The following WIPF3 variants were observed in gnomAD, a reference collection of about 807,000 sequenced individuals.
WIPF3 encodes WAS/WASL interacting protein family member 3.
WIPF3 carries 33 observed loss-of-function variants against 38.9 expected under a neutral mutation model. The observed-to-expected ratio is 0.85, with a 90% CI of 0.64 to 1.14. The LOEUF (loss-of-function observed/expected upper bound fraction) is 1.14, where lower values mean the gene tolerates loss of function less well. WIPF3 is among the 50% of genes most tolerant of loss of function. WIPF3 has a pLI of 0.00. For synonymous variants in WIPF3, 324 were observed against 269.3 expected, an observed-to-expected ratio of 1.20 and a Z score of -1.99; for missense variants, 711 against 652.5, an observed-to-expected ratio of 1.09 and a Z score of -0.98.
At position 29,823,706 on chromosome 7, in the gene WIPF3, C is replaced by T. The variant is rs983346836; in HGVS notation, c.-57-10962C>T. ...GGGGCCTGGTGGCAGGTGATTGGAT[C>T]GTGGGCGGTTTCTCATTATTGGTTT... On this transcript the variant is annotated intron_variant, in intron 1 of 8. Transcript: ENST00000242140. This position sits in a 1 kb window ranked among gnomAD's most constrained non-coding sequence, Gnocchi z 4.0. Among the ~76,000 whole-genome samples the T allele has an allele frequency of 1.3e-5, 2 of 152,136 alleles. No individual in the cohort carries two copies. Among genetic ancestry groups the T allele is most frequent in the Non-Finnish European group, 2.9e-5 (2 of 68,032 alleles).
chr7:29,883,946 G>A lies in WIPF3; in HGVS notation c.452G>A (p.Arg151Lys), dbSNP rs762104603. Residue 151 changes from arginine (R) to lysine (K), a missense_variant, in exon 5 of 9, where the codon AGG becomes AAG. By Grantham distance (26) the Arg-to-Lys change is conservative. Transcript: ENST00000242140. ...CCGCTTATCCCGCCTGCCTCTCCCA[G>A]GCTAGGCAATACCTCCGAGGCGCAT... ...SGPLIPPASP[R>K]LGNTSEAHGA... 3.2e-6 allele frequency: 5 copies of A among 1,576,780 alleles called. No individual in the cohort carries two copies. Among genetic ancestry groups the A allele is most frequent in the Non-Finnish European group, 4.3e-6 (5 of 1,161,382 alleles).
intron 2 of WIPF3, among the ~76,000 whole-genome samples, chr7:29,872,287 G>T (rs893599003): frequency 6.6e-6 from 1 of 152,162 alleles, no homozygotes; most frequent in African/African-American, 2.4e-5. Flanking sequence ...GGTTTTTTAA[G>T]ACAGCAAATT....
rs760451690 is a variant in WIPF3, at chr7:29,884,052, A to G, written c.558A>G (p.Leu186=). 3.9e-6 allele frequency: 3 copies of G among 775,942 alleles called. No individual in the cohort carries two copies. The South Asian group carries it at 1.1e-4, about 28-fold the overall frequency. 48.1% of individuals were successfully genotyped at this position (775,942 alleles called of 1,614,324 possible). ...PPTPPPPPPP[L]PPPLPSSSPI... ...CCCCACCCCCTCCGCCTCCACCCTT[A>G]CCCCCGCCCCTTCCCTCTTCCTCCC... is the stretch of plus-strand genomic sequence containing the variant. The change falls in exon 5 of 9, where the codon TTA becomes TTG. Residue 186 remains leucine, a synonymous_variant. Coordinates refer to ENST00000242140, the MANE Select transcript of WIPF3 (RefSeq NM_001080529.3).
At chr7:29,885,979 CATT>C (rs1208114863) in intron 5 of WIPF3, among the ~76,000 whole-genome samples, 1 of 152,054 alleles carries the variant, frequency 6.6e-6, no homozygotes, top group Non-Finnish European at 1.5e-5. Flanking sequence ...TTTTATTTAA[CATT>C]ATGTTAAAAA....
At chr7:29,894,926 T>TTG (rs1562789038) in intron 7 of WIPF3, among the ~76,000 whole-genome samples, 3 of 151,724 alleles carry the variant, frequency 2.0e-5, no homozygotes, top group Admixed American at 1.3e-4. Context: ...GTTGTTTTTT[T>TTG]TTGTTGTTGT....
Position 29,884,361 on chromosome 7 carries a change from T to TCCCCCCCCCCCCCCCCCCCCCCCCCCC in WIPF3, c.870_871insCCCCCCCCCCCCCCCCCCCCCCCCCCC (p.Pro290_Ala291insProProProProProProProProPro). ...GCCCTGCGCAAGATGCGCAGGAGCCTCCCGCCCCGCCGCCCCCGCTCCCCC... is the reference window on the plus strand; with the variant it reads ...GCCCTGCGCAAGATGCGCAGGAGCCTCCCCCCCCCCCCCCCCCCCCCCCCCCCCCCGCCCCGCCGCCCCCGCTCCCCC... On this transcript the variant is annotated inframe_insertion, in exon 5 of 9. Transcript: ENST00000242140. 2 of 1,317,928 alleles carry TCCCCCCCCCCCCCCCCCCCCCCCCCCC rather than the reference T, an allele frequency of 1.5e-6. No homozygotes were observed. The highest frequency in any genetic ancestry group is 9.8e-7 in the Non-Finnish European group (1 of 1,017,964). The allele number at this position is 1,317,928 out of a possible 1,614,324, so 81.6% of individuals were successfully genotyped here. A position where few individuals can be genotyped will look rare whatever the true frequency, so the allele number is the denominator to read the frequency against.
At chr7:29,853,762 A>T (rs1454028523) in intron 2 of WIPF3, among the ~76,000 whole-genome samples, 2 of 152,154 alleles carry the variant, frequency 1.3e-5, no homozygotes, top group African/African-American at 4.8e-5. Context: ...TACCTATCTC[A>T]TTATGGCTGA....
At chr7:29,901,410 T>A (rs908413488) in intron 7 of WIPF3, among the ~76,000 whole-genome samples, 1 of 119,484 alleles carries the variant, frequency 8.4e-6, no homozygotes, top group Non-Finnish European at 1.7e-5. Flanking sequence ...TTTTTTTTTT[T>A]ACAAGACAGA....
chr7:29,915,053 C>T lies in WIPF3; in HGVS notation c.*537C>T, dbSNP rs1429807970. ...CTCCAGGGAACGAGGTGCCATGTCT[C>T]GCTTCCATTTTGCAGTACAGGGAAT... is the stretch of plus-strand genomic sequence containing the variant. On this transcript the variant is annotated 3_prime_UTR_variant, in exon 9 of 9. Coordinates refer to ENST00000242140, the MANE Select transcript of WIPF3 (RefSeq NM_001080529.3). 1 of 148,794 alleles carries T rather than the reference C, an allele frequency of 6.7e-6. No homozygotes were observed. The highest frequency in any genetic ancestry group is 1.5e-5 in the Non-Finnish European group (1 of 67,544). The allele number at this position is 148,794 out of a possible 1,614,324, so 9.2% of individuals were successfully genotyped here. A position where few individuals can be genotyped will look rare whatever the true frequency, so the allele number is the denominator to read the frequency against.
chr7:29,871,059 CT>C (rs1785488007), intron 2 of WIPF3, among the ~76,000 whole-genome samples: 1 of 152,080 alleles, frequency 6.6e-6, no homozygotes, highest in South Asian at 2.1e-4. Flanking sequence ...AAAAATGAGA[CT>C]TGGAACTGTT....
chr7:29,820,835 T>A (rs1433073990), intron 1 of WIPF3, among the ~76,000 whole-genome samples: 1 of 152,228 alleles, frequency 6.6e-6, no homozygotes, highest in Non-Finnish European at 1.5e-5. Flanking sequence ...TTTAAAGGTA[T>A]TATGCTTGAG....
At chr7:29,811,561 T>C (rs1784378733) in intron 1 of WIPF3, among the ~76,000 whole-genome samples, 1 of 152,128 alleles carries the variant, frequency 6.6e-6, no homozygotes, top group African/African-American at 2.4e-5. Context: ...AGTTACCTGA[T>C]CCACAGTGAC....
chr7:29,872,668 C>T (rs578004681), intron 2 of WIPF3, among the ~76,000 whole-genome samples: 20 of 151,790 alleles, frequency 1.3e-4, no homozygotes, highest in Admixed American at 1.0e-3. Context: ...TGGTGGCGGG[C>T]GCCTGTAGTC....
rs147131964 is a variant in WIPF3, at chr7:29,815,655, T to C, written c.-58+8977T>C. On this transcript the variant is annotated intron_variant, in intron 1 of 8. Transcript: ENST00000242140. ...GTGCACCTTCTCACCAGCATGCTTG[T>C]GTTCTCACAGTTAATAAATGACAGG... Among the ~76,000 whole-genome samples, 804 of 152,332 alleles carry C rather than the reference T, an allele frequency of 5.3e-3. 5 individuals carry two copies. Among genetic ancestry groups the C allele is most frequent in the African/African-American group, 0.018 (741 of 41,580 alleles).
At chr7:29,812,929 T>A (rs1424156737) in intron 1 of WIPF3, among the ~76,000 whole-genome samples, 1 of 152,272 alleles carries the variant, frequency 6.6e-6, no homozygotes, top group Non-Finnish European at 1.5e-5. Flanking sequence ...TAAAGATTCC[T>A]AAATCGCTAT....
At chr7:29,908,806 G>A (rs542687331) in intron 8 of WIPF3, among the ~76,000 whole-genome samples, 68 of 151,860 alleles carry the variant, frequency 4.5e-4, no homozygotes, top group African/African-American at 1.6e-3. Context: ...TACTTGGGAG[G>A]CTGAGGTGGG....
In WIPF3 at chr7:29,885,366, CAT is replaced by C. The variant is rs375185787; in HGVS notation, c.1099+776_1099+777del. On this transcript the variant is annotated intron_variant, in intron 5 of 8. Transcript: ENST00000242140. ...ATCCACACAGGCAGACACACTCAAA[CAT>C]ATGCACACTCATAACACACACATCC... Among the ~76,000 whole-genome samples the C allele has an allele frequency of 2.2e-4, 33 of 152,346 alleles. No homozygotes were observed. In the East Asian group the frequency reaches 6.2e-3, roughly 28 times the overall value.
intron 4 of WIPF3, among the ~76,000 whole-genome samples, chr7:29,882,322 G>GT (rs1785737193): frequency 6.6e-6 from 1 of 152,300 alleles, no homozygotes; most frequent in East Asian, 1.9e-4. Flanking sequence ...GCTCTGCCTT[G>GT]TTTAGGCAGC....
intron 1 of WIPF3, among the ~76,000 whole-genome samples, chr7:29,811,065 A>G (rs1784366874): frequency 1.3e-5 from 2 of 149,210 alleles, no homozygotes; most frequent in East Asian, 2.0e-4. Context: ...ATTTTTTTTT[A>G]TTTTTTGTAG....
Sources: gnomAD v4.1 joint callset for allele counts (sites outside exome capture counted in the v4.1 genomes callset) on GRCh38, gnomAD v4.1.1 for gene constraint, Gnocchi (gnomAD v3.1) non-coding constraint, MANE v1.5 for transcripts, NCBI Gene and HGNC (gene_info 2026-07-23, HGNC 2026-07-21) for gene names.